TAOK1: variants seen among roughly 807,000 people sequenced by gnomAD.
TAOK1 encodes the protein TAO kinase 1, also known as serine/threonine-protein kinase TAO1.
TAOK1 carries 21 observed loss-of-function variants against 138.3 expected under a neutral mutation model. That is an observed-to-expected ratio of 0.15 (90% confidence interval 0.11 to 0.22). The LOEUF (loss-of-function observed/expected upper bound fraction) is 0.22, where lower values mean the gene tolerates loss of function less well. Among genes scored for constraint, TAOK1 ranks in the 10% least tolerant of loss-of-function variants. TAOK1 has a pLI of 1.00. For missense variants in TAOK1, 651 were observed against 1,227.7 expected (o/e 0.53, Z 7.02); for synonymous variants, 361 against 398.4 (o/e 0.91, Z 1.12).
intron 1 of TAOK1, among the ~76,000 whole-genome samples, chr17:29,450,935 A>AT (rs2030215489): frequency 6.6e-6 from 1 of 152,218 alleles, no homozygotes; most frequent in South Asian, 2.1e-4. Context: ...TAAAGGGCAT[A>AT]TTTTAATGTG....
At chr17:29,447,848 G>C (rs1441797555) in intron 1 of TAOK1, among the ~76,000 whole-genome samples, 1 of 150,912 alleles carries the variant, frequency 6.6e-6, no homozygotes, top group African/African-American at 2.4e-5. Flanking sequence ...GTAGAGACAG[G>C]GTTTCCCATG....
chr17:29,464,377 G>C (rs934645760), intron 2 of TAOK1, among the ~76,000 whole-genome samples: 5 of 150,032 alleles, frequency 3.3e-5, no homozygotes, highest in Non-Finnish European at 5.9e-5. Context: ...CTGGGAGGCA[G>C]AGTTTGCAGT....
intron 12 of TAOK1, among the ~76,000 whole-genome samples, chr17:29,502,071 T>G (rs1209362025): frequency 6.6e-6 from 1 of 152,188 alleles, no homozygotes; most frequent in Non-Finnish European, 1.5e-5. Flanking sequence ...GTCAATCTAG[T>G]CATGTGCATT....
At chr17:29,457,737 A>G (rs572301941) in intron 2 of TAOK1, among the ~76,000 whole-genome samples, 2 of 152,158 alleles carry the variant, frequency 1.3e-5, no homozygotes, top group South Asian at 2.1e-4. Context: ...CATCCAAACA[A>G]TGCCTTCGCA....
In TAOK1 at chr17:29,472,546, C is replaced by T. The variant is rs568258817; in HGVS notation, c.205-3124C>T. On this transcript the variant is annotated intron_variant, in intron 3 of 19. Transcript: ENST00000261716. Reference sequence around the variant, plus strand: ...GGGATTACAGGCGTGAACCACCATGCCCAGCTGCTATAGCCTTTCTTTCTT... The same window carrying T: ...GGGATTACAGGCGTGAACCACCATGTCCAGCTGCTATAGCCTTTCTTTCTT... Among the ~76,000 whole-genome samples the T allele has an allele frequency of 2.7e-5, 4 of 149,150 alleles. No homozygotes were observed. The East Asian group carries it at 8.0e-4, about 30-fold the overall frequency.
chr17:29,476,884 C>T (rs931568060), intron 4 of TAOK1, among the ~76,000 whole-genome samples: 27 of 151,952 alleles, frequency 1.8e-4, no homozygotes, highest in African/African-American at 4.8e-4. Flanking sequence ...CTCACTCTGT[C>T]GCCCAGGCTG....
chr17:29,408,932 C>A (rs575800773), intron 1 of TAOK1, among the ~76,000 whole-genome samples: 71 of 151,972 alleles, frequency 4.7e-4, no homozygotes, highest in Non-Finnish European at 8.8e-5. Context: ...AGGCTGGTCT[C>A]GAACTCCTGA....
intron 2 of TAOK1, 122 bp from the exon 3 acceptor site, chr17:29,467,023 A>C: frequency 1.8e-6 from 1 of 546,240 alleles, no homozygotes; most frequent in Non-Finnish European, 3.0e-6. Flanking sequence ...TTTTCTTTAA[A>C]AGTGGTTTTG....
rs930670200 is a variant in TAOK1 at position 29,504,588 on chromosome 17, T to G, written c.1338+1865T>G. Among the ~76,000 whole-genome samples the G allele has an allele frequency of 5.9e-5, 9 of 152,142 alleles. No individual in the cohort carries two copies. The East Asian group carries it at 1.7e-3, about 30-fold the overall frequency. ...GGGAGGCTGAGGCAGGAGAATTGCT[T>G]GAACCCAGGAGGCGGAGGTTGGAGT... On this transcript the variant is annotated intron_variant, in intron 13 of 19. Transcript: ENST00000261716.
rs1201541041 is a variant in TAOK1 at position 29,466,235 on chromosome 17, C to T, written c.133-910C>T. Among the ~76,000 whole-genome samples the T allele has an allele frequency of 2.6e-5, 4 of 152,110 alleles. No individual in the cohort carries two copies. In the South Asian group the frequency reaches 8.3e-4, roughly 32 times the overall value. On this transcript the variant is annotated intron_variant, in intron 2 of 19. Transcript: ENST00000261716. ...CATGGCTCACTGCAGTCTCCGACTCCCAGTTTCAAGCGATTCTCCTGTCTC... is the reference window on the plus strand; with the variant it reads ...CATGGCTCACTGCAGTCTCCGACTCTCAGTTTCAAGCGATTCTCCTGTCTC...
At chr17:29,489,136 C>T (rs2031243611) in intron 8 of TAOK1, among the ~76,000 whole-genome samples, 1 of 152,146 alleles carries the variant, frequency 6.6e-6, no homozygotes, top group African/African-American at 2.4e-5. Context: ...AGGAAATATA[C>T]ACTCAAGTAT....
intron 2 of TAOK1, among the ~76,000 whole-genome samples, chr17:29,457,486 A>G (rs755082588): frequency 6.2e-4 from 87 of 140,796 alleles, no homozygotes; most frequent in Non-Finnish European, 1.0e-3. Context: ...GCTCACTGCA[A>G]CCTCCACATC....
chr17:29,398,863 T>A (rs2153019911), intron 1 of TAOK1, among the ~76,000 whole-genome samples: 1 of 152,206 alleles, frequency 6.6e-6, no homozygotes, highest in Non-Finnish European at 1.5e-5. Flanking sequence ...ACTGGGTTGT[T>A]TAAATAGGAT....
At position 29,431,898 on chromosome 17, in the gene TAOK1, C is replaced by G. The variant is rs372799813; in HGVS notation, c.-94-19557C>G. Among the ~76,000 whole-genome samples, 11 of 151,502 alleles carry G rather than the reference C, an allele frequency of 7.3e-5. No homozygotes were observed. The South Asian group carries it at 1.5e-3, about 20-fold the overall frequency. On this transcript the variant is annotated intron_variant, in intron 1 of 19. Coordinates refer to ENST00000261716, the MANE Select transcript of TAOK1 (RefSeq NM_020791.4). The stretch of plus-strand genomic sequence containing the variant: ...CTCGGCTCACTGCAACCTCTGACTC[C>G]CGGGTTCAAGCGATTCTCCTACCTC...
chr17:29,459,698 G>T (rs537319604), intron 2 of TAOK1, among the ~76,000 whole-genome samples: 29 of 152,276 alleles, frequency 1.9e-4, no homozygotes, highest in Non-Finnish European at 3.5e-4. Context: ...GAATAGTGCT[G>T]CAATAAACAT....
chr17:29,454,811 C>T (rs2030333624), intron 2 of TAOK1, among the ~76,000 whole-genome samples: 1 of 152,024 alleles, frequency 6.6e-6, no homozygotes, highest in South Asian at 2.1e-4. Context: ...AAATGATTCT[C>T]CTGCCTCAGC....
chr17:29,533,778 C>T (rs1297881675), intron 18 of TAOK1, among the ~76,000 whole-genome samples: 2 of 51,412 alleles, frequency 3.9e-5, no homozygotes, highest in African/African-American at 1.7e-4. Flanking sequence ...TGCAGTGAGC[C>T]GAGATGGCAG....
intron 10 of TAOK1, among the ~76,000 whole-genome samples, chr17:29,494,342 C>T (rs1317394543): frequency 1.3e-5 from 2 of 151,820 alleles, no homozygotes; most frequent in East Asian, 2.0e-4. Context: ...CTACCCCCCA[C>T]CCCCCAAAAA....
At chr17:29,485,372 T>G (rs192197127) in intron 8 of TAOK1, among the ~76,000 whole-genome samples, 1 of 152,176 alleles carries the variant, frequency 6.6e-6, no homozygotes, top group African/African-American at 2.4e-5. Flanking sequence ...TACAGTGGCT[T>G]ACATCTGTAA....
Sources: allele counts gnomAD v4.1 joint callset (sites outside exome capture counted in the v4.1 genomes callset), GRCh38; gene constraint gnomAD v4.1.1; transcripts MANE v1.5; gene names NCBI Gene and HGNC (gene_info 2026-07-23, HGNC 2026-07-21).